The following TBX3 variants were observed in gnomAD, a reference collection of about 807,000 sequenced individuals.
The protein encoded by TBX3 is T-box transcription factor TBX3.
In TBX3, 11 loss-of-function variants were observed where a neutral mutation model predicts 47.8. The observed-to-expected ratio is 0.23, with a 90% CI of 0.14 to 0.38. The LOEUF is 0.38. Among genes scored for constraint, TBX3 ranks in the 10% least tolerant of loss-of-function variants. The probability of loss-of-function intolerance (pLI) is 1.00; values close to 1 mark genes in which losing one functional copy is unlikely to be tolerated. For missense variants in TBX3, 927 were observed against 1,022.8 expected (o/e 0.91, Z 1.28); for synonymous variants, 500 against 449.3 (o/e 1.11, Z -1.43).
At position 114,680,932 on chromosome 12, in the gene TBX3, C is replaced by G; in HGVS notation, c.604G>C (p.Val202Leu). ...ATGEQWMSKV[V>L]TFHKLKLTNN... ...GTGAGTTTCAGTTTGTGGAAAGTGA[C>G]GACTTTGGACATCCACTGTTCCCCA... Residue 202 changes from valine to leucine, a missense_variant, in exon 2 of 7, where the codon GTC becomes CTC. Coordinates refer to ENST00000349155, the MANE Select transcript of TBX3 (RefSeq NM_005996.4). 1.2e-6 allele frequency: 2 copies of G among 1,614,000 alleles called. No homozygotes were observed. The highest frequency in any genetic ancestry group is 1.7e-6 in the Non-Finnish European group (2 of 1,180,004).
chr12:114,675,440 A>G (rs1291176488), intron 5 of TBX3, among the ~76,000 whole-genome samples: 1 of 152,162 alleles, frequency 6.6e-6, no homozygotes, highest in African/African-American at 2.4e-5. Context: ...GCAGAGAGAG[A>G]TGAGTGTCGG....
Position 114,672,208 on chromosome 12 carries a change from G to T in TBX3, c.1805C>A (p.Ser602Ter). 6.4e-7 allele frequency: 1 copy of T among 1,572,232 alleles called. No individual in the cohort carries two copies. Among genetic ancestry groups the T allele is most frequent in the East Asian group, 2.3e-5 (1 of 42,786 alleles). The change falls in exon 7 of 7, where the codon TCG (serine) becomes TAG (stop). Residue 602 changes from serine to a stop codon, truncating the protein, a stop_gained. Coordinates refer to ENST00000349155, the MANE Select transcript of TBX3 (RefSeq NM_005996.4). LOFTEE classifies it high-confidence loss of function. The stretch of plus-strand genomic sequence containing the variant: ...ATTGAGGAAGGGGTGGCGGTGCACC[G>T]AGCTGGAGGCTGCCGCAGAGGAGGC... ...AAASSAAASS[S>*]VHRHPFLNLN...
chr12:114,673,504 C>T (rs1250150584), intron 6 of TBX3, among the ~76,000 whole-genome samples: 1 of 152,252 alleles, frequency 6.6e-6, no homozygotes, highest in Admixed American at 6.5e-5. Flanking sequence ...GAGGAATAGG[C>T]TGGCCTGCTT....
chr12:114,675,775 C>T (rs887329715), intron 5 of TBX3, among the ~76,000 whole-genome samples: 1 of 151,356 alleles, frequency 6.6e-6, no homozygotes, highest in African/African-American at 2.4e-5. Flanking sequence ...GCTCTACCCC[C>T]ACCGCAGATC....
chr12:114,680,677 C>T (rs892434702), intron 2 of TBX3: 6 of 755,030 alleles, frequency 7.9e-6, no homozygotes, highest in South Asian at 1.6e-5. Context: ...GGTAAGTTTT[C>T]TTGCCCCATT....
Position 114,678,105 on chromosome 12 carries a change from TGTGCGGGAGTGA to T in TBX3, c.805-461_805-450del, listed in dbSNP as rs531652660. ...ATGATTTATGGGGTTTCACTACCCT[TGTGCGGGAGTGA>T]GTGCGGGAGTGAGTTTAATTTTTTT... On this transcript the variant is annotated intron_variant, in intron 3 of 6. Transcript: ENST00000349155. 8.4e-3 allele frequency among the ~76,000 whole-genome samples: 1,275 copies of T among 151,916 alleles called. 7 individuals carry two copies. Among genetic ancestry groups the T allele is most frequent in the Non-Finnish European group, 0.012 (788 of 67,946 alleles).
Position 114,671,978 on chromosome 12 carries a change from G to C in TBX3, c.2035C>G (p.Leu679Val). Residue 679 changes from leucine to valine, a missense_variant, in exon 7 of 7, where the codon CTC becomes GTC. By Grantham distance (32) the Leu-to-Val change is conservative. Transcript: ENST00000349155. ...GSELNSRSSTLSSSSMSLSPK... is the reference protein window; with the variant it reads ...GSELNSRSSTVSSSSMSLSPK... ...GACAAGGACATGGAGCTGGAGGAGAGCGTGGAGGAGCGGCTGTTGAGTTCA... is the reference window on the plus strand; with the variant it reads ...GACAAGGACATGGAGCTGGAGGAGACCGTGGAGGAGCGGCTGTTGAGTTCA... 2 of 1,601,352 alleles carry C rather than the reference G, an allele frequency of 1.2e-6. No homozygotes were observed. The highest frequency in any genetic ancestry group is 1.7e-6 in the Non-Finnish European group (2 of 1,174,048).
In TBX3 at chr12:114,674,631, G is replaced by A. The variant is rs369654422; in HGVS notation, c.1244C>T (p.Ser415Leu). ...CGAGATGGTGGCGGGGCTATGGCGT[G>A]AGTCGGGCGACGCTTTGTCCAGCCG... is the stretch of plus-strand genomic sequence containing the variant. ...SGRLDKASPD[S>L]RHSPATISSS... Residue 415 changes from serine to leucine, a missense_variant, in exon 6 of 7, where the codon TCA becomes TTA. Ser to Leu is a moderately radical substitution (Grantham distance 145, BLOSUM62 -2). This residue lies in a region of TBX3 where 623 missense variants were observed against 569.0 expected (regional missense o/e 1.09). Coordinates refer to ENST00000349155, the MANE Select transcript of TBX3 (RefSeq NM_005996.4). The A allele has an allele frequency of 3.4e-5, 54 of 1,606,046 alleles. No individual in the cohort carries two copies. The highest frequency in any genetic ancestry group is 1.3e-5 in the African/African-American group (1 of 74,878).
Position 114,672,275 on chromosome 12 carries a change from G to A in TBX3, c.1738C>T (p.Leu580=). The A allele has an allele frequency of 6.4e-7, 1 of 1,572,592 alleles. No homozygotes were observed. Among genetic ancestry groups the A allele is most frequent in the Non-Finnish European group, 8.6e-7 (1 of 1,160,252 alleles). The part of the protein sequence containing the change: ...QGLAMSPFGS[L]FPYPYTYMAA... ...ATGTACGTGTAGGGGTAAGGGAACA[G>A]GCTTCCGAAAGGGGACATGGCCAGG... Residue 580 remains leucine, a synonymous_variant, in exon 7 of 7, where the codon CTG becomes TTG. Coordinates refer to ENST00000349155, the MANE Select transcript of TBX3 (RefSeq NM_005996.4).
chr12:114,674,036 C>T (rs1417259556), intron 6 of TBX3, 129 bp downstream of exon 6: 9 of 1,219,222 alleles, frequency 7.4e-6, no homozygotes, highest in Admixed American at 4.8e-5. Context: ...GCCTTGAACC[C>T]GGTAATGGCT....
intron 4 of TBX3, among the ~76,000 whole-genome samples, chr12:114,677,045 TG>T (rs1868744211): frequency 6.9e-6 from 1 of 145,674 alleles, no homozygotes; most frequent in Non-Finnish European, 1.5e-5. Flanking sequence ...GTTAAAAATT[TG>T]GGGGTGATTT....
rs1384411301 is a variant in TBX3, at chr12:114,682,946, C to T, written c.255G>A (p.Ala85=). ...GIPFSSLGPQ[A]HLRPLKTMEP... Reference sequence around the variant, plus strand: ...CCATGGTCTTCAAAGGCCTCAGATGCGCCTGGGGCCCCAGGGAGGAGAACG... The same window carrying T: ...CCATGGTCTTCAAAGGCCTCAGATGTGCCTGGGGCCCCAGGGAGGAGAACG... The change falls in exon 1 of 7, where the codon GCG becomes GCA. Residue 85 remains alanine, a synonymous_variant. Coordinates refer to ENST00000349155, the MANE Select transcript of TBX3 (RefSeq NM_005996.4). The T allele has an allele frequency of 3.7e-6, 6 of 1,614,056 alleles. No homozygotes were observed. The highest frequency in any genetic ancestry group is 1.7e-5 in the Admixed American group (1 of 60,010).
rs770459748 is a variant in TBX3, at chr12:114,672,198, G to A, written c.1815C>T (p.Arg605=). ...TGGTGTTCAGATTGAGGAAGGGGTG[G>A]CGGTGCACCGAGCTGGAGGCTGCCG... is the stretch of plus-strand genomic sequence containing the variant. ...SSAAASSSVH[R]HPFLNLNTMR... The change falls in exon 7 of 7, where the codon CGC becomes CGT. Residue 605 remains arginine (R), a synonymous_variant. Coordinates refer to ENST00000349155, the MANE Select transcript of TBX3 (RefSeq NM_005996.4). The A allele has an allele frequency of 1.9e-6, 3 of 1,571,462 alleles. No individual in the cohort carries two copies. The Admixed American group carries it at 5.6e-5, about 29-fold the overall frequency.
rs567918907 is a variant in TBX3 at position 114,683,012 on chromosome 12, C to T, written c.189G>A (p.Pro63=). The stretch of plus-strand genomic sequence containing the variant: ...CCGCCCCCACCAATTGATCCATGAT[C>T]GGCTTGGCCAGGGCGCCCGGCAGCG... The part of the protein sequence containing the change: ...ALSLPGALAK[P]IMDQLVGAAE... The change falls in exon 1 of 7, where the codon CCG becomes CCA. Residue 63 remains proline (P), a synonymous_variant. Transcript: ENST00000349155. The surrounding 1 kb of genome is among the most constrained non-coding windows in gnomAD (Gnocchi z 7.7). 5.0e-6 allele frequency: 8 copies of T among 1,612,424 alleles called. No individual in the cohort carries two copies. In the African/African-American group the frequency reaches 9.3e-5, roughly 19 times the overall value.
In TBX3 at chr12:114,674,783, C is replaced by G; in HGVS notation, c.1092G>C (p.Glu364Asp). Residue 364 changes from glutamate (E) to aspartate (D), a missense_variant, in exon 6 of 7, where the codon GAG becomes GAC. This residue lies in a region of TBX3 where 623 missense variants were observed against 569.0 expected (regional missense o/e 1.09). Coordinates refer to ENST00000349155, the MANE Select transcript of TBX3 (RefSeq NM_005996.4). ...CCGCGTCGCAGGCCTCGGGGCCATG[C>G]TCCTCTTTGCTCTCGGCCTCGGCGT... ...ESDAEAESKE[E>D]HGPEACDAAK... 6.3e-7 allele frequency: 1 copy of G among 1,585,764 alleles called. No individual in the cohort carries two copies. Among genetic ancestry groups the G allele is most frequent in the Non-Finnish European group, 8.5e-7 (1 of 1,171,244 alleles).
Position 114,674,698 on chromosome 12 carries a change from T to C in TBX3, c.1177A>G (p.Lys393Glu). The change falls in exon 6 of 7, where the codon AAG becomes GAG. Residue 393 changes from lysine (K) to glutamate (E), a missense_variant. By Grantham distance (56) the Lys-to-Glu change is moderately conservative. Transcript: ENST00000349155. Reference protein sequence around the residue: ...PCRDKGSPAVKAHLFAAERPR... With the variant: ...PCRDKGSPAVEAHLFAAERPR... The stretch of plus-strand genomic sequence containing the variant: ...CGCTCAGCAGCGAAAAGGTGAGCCT[T>C]GACCGCGGGGCTGCCCTTGTCACGG... 6.2e-7 allele frequency: 1 copy of C among 1,606,210 alleles called. No homozygotes were observed. Among genetic ancestry groups the C allele is most frequent in the Non-Finnish European group, 8.5e-7 (1 of 1,178,882 alleles).
Position 114,676,349 on chromosome 12 carries a change from G to A in TBX3, c.1003C>T (p.Pro335Ser). 6.2e-7 allele frequency: 1 copy of A among 1,614,164 alleles called. No homozygotes were observed. Among genetic ancestry groups the A allele is most frequent in the South Asian group, 1.1e-5 (1 of 91,076 alleles). The change falls in exon 5 of 7, where the codon CCA (proline) becomes TCA (serine). Residue 335 changes from proline (P) to serine (S), a missense_variant. Physicochemically the swap from Pro to Ser is moderately conservative, Grantham distance 74. Transcript: ENST00000349155. ...AFNCFAQASS[P>S]AASTVGTSNL... ...GATGTCCCTACAGTGGAGGCGGCTG[G>A]AGAAGAAGCCTGGGCGAAGCAGTTG... is the stretch of plus-strand genomic sequence containing the variant.
intron 6 of TBX3, among the ~76,000 whole-genome samples, chr12:114,673,390 C>G (rs1374821022): frequency 6.6e-6 from 1 of 152,222 alleles, no homozygotes; most frequent in Admixed American, 6.5e-5. Context: ...GACCTCCCCC[C>G]AGCACAGCTG....
In TBX3 at chr12:114,671,902, A is replaced by T; in HGVS notation, c.2111T>A (p.Ile704Asn). 6.3e-7 allele frequency: 1 copy of T among 1,580,892 alleles called. No homozygotes were observed. The highest frequency in any genetic ancestry group is 8.6e-7 in the Non-Finnish European group (1 of 1,163,554). ...TTCCAAGCCGCTAACCAACCGCTGG[A>T]TGCTCTGCAGTTCGCTGGTGGCCGC... Reference protein sequence around the residue: ...KEAATSELQSIQRLVSGLEAK... With the variant: ...KEAATSELQSNQRLVSGLEAK... Residue 704 changes from isoleucine (I) to asparagine (N), a missense_variant, in exon 7 of 7, where the codon ATC (isoleucine) becomes AAC (asparagine). Around this residue, in one of 5 missense-constraint regions of TBX3, gnomAD observed 623 missense variants for 569.0 expected, o/e 1.09. Transcript: ENST00000349155.
Sources: gnomAD v4.1 joint callset for allele counts (sites outside exome capture counted in the v4.1 genomes callset) on GRCh38, gnomAD v4.1.1 for gene constraint, gnomAD v4.1.1 regional missense constraint, Gnocchi (gnomAD v3.1) non-coding constraint, MANE v1.5 for transcripts, NCBI Gene and HGNC (gene_info 2026-07-23, HGNC 2026-07-21) for gene names.